Variants in NPAS1 observed in about 807,000 individuals in gnomAD.
NPAS1 encodes the protein neuronal PAS domain protein 1.
A neutral mutation model predicts 49.2 loss-of-function variants in NPAS1; 29 were observed. The ratio of observed to expected loss-of-function variants is 0.59; its 90% CI spans 0.44 to 0.80. The LOEUF (loss-of-function observed/expected upper bound fraction) is 0.80, where lower values mean the gene tolerates loss of function less well. NPAS1 is among the 30% of genes least tolerant of loss of function. NPAS1 has a pLI of 0.00. For synonymous variants in NPAS1, 408 were observed against 380.4 expected (o/e 1.07, Z -0.84); for missense variants, 825 against 835.5 (o/e 0.99, Z 0.15).
At position 47,020,013 on chromosome 19, in the gene NPAS1, G is replaced by A. The variant is rs569827678; in HGVS notation, c.-43+16G>A. ...GGTCCTGCGGGTAGGGGAAGCTTGC[G>A]GGCTGGCAGGAGGGGGACTTCTGGG... is the stretch of plus-strand genomic sequence containing the variant. On this transcript the variant is annotated intron_variant, in intron 1 of 11. Transcript: ENST00000602212. The A allele has an allele frequency of 6.3e-5, 25 of 393,836 alleles. No homozygotes were observed. Among genetic ancestry groups the A allele is most frequent in the Middle Eastern group, 6.4e-4 (1 of 1,570 alleles). 24.4% of individuals were successfully genotyped at this position (393,836 alleles called of 1,614,324 possible).
intron 6 of NPAS1, among the ~76,000 whole-genome samples, chr19:47,036,932 C>T (rs571486967): frequency 6.6e-6 from 1 of 151,548 alleles, no homozygotes; most frequent in African/African-American, 2.4e-5. Flanking sequence ...GGCATGATGA[C>T]ACATGCCAGT....
chr19:47,035,191 A>AAAGAAGAAGAAG (rs56216577), intron 5 of NPAS1: 7,883 of 148,966 alleles, frequency 0.053, 266 homozygotes, highest in East Asian at 0.11. Context: ...AAAAAAATAA[A>AAAGAAGAAGAAG]AAGAAGAAGA....
Position 47,035,948 on chromosome 19 carries a change from C to T in NPAS1, c.523-16C>T, listed in dbSNP as rs772583499. 2 of 1,510,882 alleles carry T rather than the reference C, an allele frequency of 1.3e-6. No homozygotes were observed. Among genetic ancestry groups the T allele is most frequent in the Non-Finnish European group, 1.8e-6 (2 of 1,131,114 alleles). 93.6% of individuals were successfully genotyped at this position (1,510,882 alleles called of 1,614,324 possible). On this transcript the variant is annotated splice_polypyrimidine_tract_variant and intron_variant, in intron 5 of 11. Coordinates refer to ENST00000602212, the MANE Select transcript of NPAS1 (RefSeq NM_002517.4). Reference sequence around the variant, plus strand: ...GCACCTCACCCGCCCCCTGCATTCCCCTCCTTCGCCGGCAGGTGGAGATGA... The same window carrying T: ...GCACCTCACCCGCCCCCTGCATTCCTCTCCTTCGCCGGCAGGTGGAGATGA...
intron 3 of NPAS1, among the ~76,000 whole-genome samples, chr19:47,022,399 CCCCGGGCAGGTCG>C (rs1203180189): frequency 6.6e-6 from 1 of 152,240 alleles, no homozygotes; most frequent in African/African-American, 2.4e-5. Context: ...AGCTTTGCAA[CCCCGGGCAGGTCG>C]CCTCACTTCT....
At chr19:47,027,371 C>G (rs1345574782) in intron 3 of NPAS1, among the ~76,000 whole-genome samples, 1 of 127,230 alleles carries the variant, frequency 7.9e-6, no homozygotes, top group African/African-American at 2.9e-5. Context: ...TGCCCCAGGT[C>G]CCCCCACACT....
intron 10 of NPAS1, 93 bp downstream of exon 10, chr19:47,041,218 A>C: frequency 2.4e-6 from 3 of 1,268,366 alleles, no homozygotes; most frequent in Non-Finnish European, 3.1e-6. Flanking sequence ...GGCTTCTAGA[A>C]TGGGACAAGC....
At position 47,041,139 on chromosome 19, in the gene NPAS1, C is replaced by G. The variant is rs2057017557; in HGVS notation, c.1217+14C>G. ...CCACGTGCTCAGGTGAGGGCTGTGC[C>G]CACCCCTCCTGCAGGGCACTCAGGG... On this transcript the variant is annotated intron_variant, in intron 10 of 11. Transcript: ENST00000602212. 1 of 1,560,618 alleles carries G rather than the reference C, an allele frequency of 6.4e-7. No homozygotes were observed. Among genetic ancestry groups the G allele is most frequent in the Non-Finnish European group, 8.6e-7 (1 of 1,160,760 alleles).
Position 47,045,060 on chromosome 19 carries a change from ACAAAC to A in NPAS1, c.1313-130_1313-126del, listed in dbSNP as rs1568512673. On this transcript the variant is annotated intron_variant, in intron 11 of 11. Transcript: ENST00000602212. ...AAAACAAAAAACAAAAACAAAACAA[ACAAAC>A]AAAAAAAAAAACCCCACTCCCAGCT... 34 of 883,780 alleles carry A rather than the reference ACAAAC, an allele frequency of 3.8e-5. 1 individual carries two copies. The African/African-American group carries it at 6.4e-4, about 17-fold the overall frequency. 54.7% of individuals were successfully genotyped at this position (883,780 alleles called of 1,614,324 possible). A position where few individuals can be genotyped will look rare whatever the true frequency, so the allele number is the denominator to read the frequency against.
chr19:47,030,595 GC>G (rs1256974158), intron 3 of NPAS1, among the ~76,000 whole-genome samples: 1 of 149,264 alleles, frequency 6.7e-6, no homozygotes, highest in African/African-American at 2.5e-5. Context: ...CTCCCAAAGT[GC>G]TGAGATCACA....
At chr19:47,023,965 C>T (rs1294229584) in intron 3 of NPAS1, among the ~76,000 whole-genome samples, 1 of 151,860 alleles carries the variant, frequency 6.6e-6, no homozygotes, top group African/African-American at 2.4e-5. Flanking sequence ...ATTAGCCGGG[C>T]GTGGTGGTGT....
At chr19:47,026,232 C>T (rs1490268110) in intron 3 of NPAS1, among the ~76,000 whole-genome samples, 1 of 152,244 alleles carries the variant, frequency 6.6e-6, no homozygotes, top group Non-Finnish European at 1.5e-5. Flanking sequence ...AGCCACTGGG[C>T]CCAGCCAAGG....
In NPAS1 at chr19:47,019,948, G is replaced by A. The variant is rs1162396574; in HGVS notation, c.-92G>A. ...CGCGCCGCCCGGCCGGCCCCACGCC[G>A]CGCCCGGAGCCTGCTCTGCGGCCAA... On this transcript the variant is annotated 5_prime_UTR_variant, in exon 1 of 12. Coordinates refer to ENST00000602212, the MANE Select transcript of NPAS1 (RefSeq NM_002517.4). 3 of 393,576 alleles carry A rather than the reference G, an allele frequency of 7.6e-6. No individual in the cohort carries two copies. The highest frequency in any genetic ancestry group is 1.3e-5 in the Non-Finnish European group (3 of 222,908). The allele number at this position is 393,576 out of a possible 1,614,324, so 24.4% of individuals were successfully genotyped here. A position where few individuals can be genotyped will look rare whatever the true frequency, so the allele number is the denominator to read the frequency against.
chr19:47,039,185 G>A (rs1568508368), intron 7 of NPAS1, 34 bp downstream of exon 7: 3 of 1,562,580 alleles, frequency 1.9e-6, no homozygotes, highest in South Asian at 1.2e-5. Context: ...TGTATTCCAG[G>A]CAGCCATGTC....
chr19:47,034,072 A>G (rs2056928560), intron 5 of NPAS1, among the ~76,000 whole-genome samples: 1 of 148,922 alleles, frequency 6.7e-6, no homozygotes, highest in Admixed American at 6.8e-5. Context: ...TGGGAGGCCG[A>G]GGCAGGCAAA....
At position 47,039,469 on chromosome 19, in the gene NPAS1, G is replaced by A. The variant is rs376589355; in HGVS notation, c.867G>A (p.Thr289=). The change falls in exon 8 of 12, where the codon ACG becomes ACA. Residue 289 remains threonine (T), a synonymous_variant. Transcript: ENST00000602212. ...TGGGCCTTGTGGCCCTCGGGCACAC[G>A]TTGCCCCCGGCCCCCCTGGCTGAGC... The part of the protein sequence containing the change: ...HALGLVALGH[T]LPPAPLAELP... The A allele has an allele frequency of 3.4e-4, 550 of 1,610,886 alleles. 6 individuals carry two copies. The South Asian group carries it at 5.4e-3, about 16-fold the overall frequency.
At chr19:47,042,736 A>C in intron 10 of NPAS1, 74 bp from the exon 11 acceptor site, 2 of 1,280,290 alleles carry the variant, frequency 1.6e-6, no homozygotes, top group African/African-American at 1.5e-5. Flanking sequence ...CATTGCCACA[A>C]GTTGGGTAAA....
At chr19:47,032,819 C>A in intron 5 of NPAS1, 87 bp downstream of exon 5, 1 of 967,058 alleles carries the variant, frequency 1.0e-6, no homozygotes, top group Non-Finnish European at 1.6e-6. Flanking sequence ...CCTGGTCTCA[C>A]CATAGCAGCA....
intron 6 of NPAS1, 30 bp from the exon 7 acceptor site, chr19:47,039,006 C>T (rs755322205): frequency 1.3e-6 from 2 of 1,596,226 alleles, no homozygotes; most frequent in Non-Finnish European, 1.7e-6. Flanking sequence ...TCTTCAGGAC[C>T]CCATAACCTT....
rs1455867035 is a variant in NPAS1 at position 47,042,064 on chromosome 19, T to G, written c.1218-746T>G. 2.0e-5 allele frequency among the ~76,000 whole-genome samples: 3 copies of G among 148,796 alleles called. No individual in the cohort carries two copies. The South Asian group carries it at 6.5e-4, about 32-fold the overall frequency. ...GGCTCACGCCTGGAATCCCAGCACT[T>G]TGGGAGGCCGAGGTGGGTGGATCAC... On this transcript the variant is annotated intron_variant, in intron 10 of 11. Coordinates refer to ENST00000602212, the MANE Select transcript of NPAS1 (RefSeq NM_002517.4).
Sources: allele counts gnomAD v4.1 joint callset (sites outside exome capture counted in the v4.1 genomes callset), GRCh38; gene constraint gnomAD v4.1.1; transcripts MANE v1.5; gene names NCBI Gene and HGNC (gene_info 2026-07-23, HGNC 2026-07-21).